KCNMA1: variants seen among roughly 807,000 people sequenced by gnomAD.
KCNMA1 encodes the protein potassium calcium-activated channel subfamily M alpha 1, also known as Calcium-activated potassium channel subunit alpha-1.
Under a neutral mutation model 140.0 loss-of-function variants are expected in KCNMA1, and 29 were observed. The ratio of observed to expected loss-of-function variants is 0.21; its 90% confidence interval spans 0.15 to 0.28. KCNMA1 has a LOEUF of 0.28. Among genes scored for constraint, KCNMA1 ranks in the 10% least tolerant of loss-of-function variants. The probability of loss-of-function intolerance (pLI) is 1.00; values close to 1 mark genes in which losing one functional copy is unlikely to be tolerated. For missense variants in KCNMA1, 880 were observed against 1,602.2 expected (o/e 0.55, Z 7.70); for synonymous variants, 612 against 611.9 (o/e 1.00, Z 0.00).
chr10:77,435,265 G>A (rs914221736), intron 1 of KCNMA1, among the ~76,000 whole-genome samples: 2 of 152,024 alleles, frequency 1.3e-5, no homozygotes, highest in Admixed American at 6.6e-5. Context: ...AGGATACTCC[G>A]TAACATTACC....
chr10:77,615,099 G>T (rs536681227), intron 1 of KCNMA1, among the ~76,000 whole-genome samples: 2 of 152,282 alleles, frequency 1.3e-5, no homozygotes, highest in South Asian at 2.1e-4. Flanking sequence ...TAACACAGGC[G>T]CCTGGGCTGC....
chr10:77,549,669 A>G (rs376104715), intron 1 of KCNMA1, among the ~76,000 whole-genome samples: 1 of 152,174 alleles, frequency 6.6e-6, no homozygotes, highest in East Asian at 1.9e-4. Flanking sequence ...GCCTCCATTC[A>G]TTTCCTTTTT....
intron 17 of KCNMA1, among the ~76,000 whole-genome samples, chr10:77,018,595 C>A (rs898168447): frequency 6.6e-6 from 1 of 152,136 alleles, no homozygotes; most frequent in Non-Finnish European, 1.5e-5. Flanking sequence ...TTAATCCCAA[C>A]CTTTTGAAAT....
At chr10:77,334,266 TG>T (rs1566046706) in intron 2 of KCNMA1, among the ~76,000 whole-genome samples, 1 of 152,144 alleles carries the variant, frequency 6.6e-6, no homozygotes, top group Non-Finnish European at 1.5e-5. Flanking sequence ...GAGCATTTTG[TG>T]GGGGAGTTCA....
chr10:76,890,381 G>A lies in KCNMA1; in HGVS notation c.3343-812C>T, dbSNP rs575559668. 2.0e-5 allele frequency among the ~76,000 whole-genome samples: 3 copies of A among 152,170 alleles called. No individual in the cohort carries two copies. In the South Asian group the frequency reaches 6.2e-4, roughly 32 times the overall value. On this transcript the variant is annotated intron_variant, in intron 26 of 27. Coordinates refer to ENST00000286628, the MANE Select transcript of KCNMA1 (RefSeq NM_001161352.2). Reference sequence around the variant, plus strand: ...GACTGTCTTTGTCCTTCCAATCATTGGAATTCTCATATTGGTCTCATACCA... The same window carrying A: ...GACTGTCTTTGTCCTTCCAATCATTAGAATTCTCATATTGGTCTCATACCA...
chr10:77,187,128 A>T lies in KCNMA1; in HGVS notation c.603-2212T>A, dbSNP rs1455510140. ...TATTAATCCCGTGGCCTCTGTGGTT[A>T]ATTTGGTGGTAACCTAGAAATACAG... On this transcript the variant is annotated intron_variant, in intron 3 of 27. Coordinates refer to ENST00000286628, the MANE Select transcript of KCNMA1 (RefSeq NM_001161352.2). 2.6e-5 allele frequency among the ~76,000 whole-genome samples: 4 copies of T among 152,154 alleles called. No individual in the cohort carries two copies. The East Asian group carries it at 7.8e-4, about 29-fold the overall frequency.
chr10:76,912,944 T>C (rs561363854), intron 24 of KCNMA1: 2 of 152,204 alleles, frequency 1.3e-5, no homozygotes, highest in African/African-American at 2.4e-5. Context: ...CCTCCTATGG[T>C]TGGAAACAGA....
At chr10:77,282,419 T>C (rs2068973000) in intron 2 of KCNMA1, among the ~76,000 whole-genome samples, 1 of 152,222 alleles carries the variant, frequency 6.6e-6, no homozygotes, top group Non-Finnish European at 1.5e-5. Flanking sequence ...TCTTTCATCA[T>C]GGATGAAGGA....
chr10:77,397,994 T>A (rs568109607), intron 2 of KCNMA1, among the ~76,000 whole-genome samples: 28 of 151,866 alleles, frequency 1.8e-4, no homozygotes, highest in African/African-American at 6.0e-4. Flanking sequence ...TGTTTGTATA[T>A]ATATAAATGT....
chr10:77,598,740 T>G (rs922904616), intron 1 of KCNMA1, among the ~76,000 whole-genome samples: 2 of 152,130 alleles, frequency 1.3e-5, no homozygotes, highest in South Asian at 2.1e-4. Flanking sequence ...CTCTCCTCCC[T>G]CAGAAGAACC....
intron 2 of KCNMA1, among the ~76,000 whole-genome samples, chr10:77,380,832 T>C (rs1374401747): frequency 6.6e-6 from 1 of 152,198 alleles, no homozygotes; most frequent in Non-Finnish European, 1.5e-5. Flanking sequence ...GCCCCAAGCA[T>C]CCAGCGTGTC....
intron 1 of KCNMA1, among the ~76,000 whole-genome samples, chr10:77,548,458 G>A (rs914093506): frequency 2.0e-5 from 3 of 152,230 alleles, no homozygotes; most frequent in African/African-American, 7.2e-5. Flanking sequence ...TGTAGCAGAT[G>A]CCACTAGTCT....
At chr10:77,183,338 A>G (rs2098817938) in intron 5 of KCNMA1, 83 bp downstream of exon 5, 2 of 884,776 alleles carry the variant, frequency 2.3e-6, no homozygotes, top group Non-Finnish European at 3.8e-6. Flanking sequence ...TTGTAGGGAG[A>G]CAGCCCCCTC....
At chr10:77,212,952 T>C (rs1306488322) in intron 3 of KCNMA1, among the ~76,000 whole-genome samples, 1 of 152,182 alleles carries the variant, frequency 6.6e-6, no homozygotes, top group African/African-American at 2.4e-5. Flanking sequence ...TAAGCCTTCT[T>C]CCCTTCCTTA....
intron 20 of KCNMA1, among the ~76,000 whole-genome samples, chr10:76,963,457 T>C (rs1449106435): frequency 6.6e-6 from 1 of 152,212 alleles, no homozygotes; most frequent in African/African-American, 2.4e-5. Flanking sequence ...AGAATCTATA[T>C]GGCTTCAGTA....
downstream of KCNMA1, among the ~76,000 whole-genome samples, chr10:76,881,631 G>T (rs1274293017): frequency 3.3e-5 from 5 of 152,176 alleles, no homozygotes; most frequent in African/African-American, 1.2e-4. Context: ...TTAGCTTTTA[G>T]AGTAAGTTTA....
chr10:76,907,348 T>C (rs1021122225), intron 25 of KCNMA1, among the ~76,000 whole-genome samples: 1 of 152,216 alleles, frequency 6.6e-6, no homozygotes, highest in Admixed American at 6.5e-5. Context: ...ATATAGATGC[T>C]TGTGCAACTC....
At chr10:77,636,592 A>T in intron 1 of KCNMA1, 1 of 1,536,202 alleles carries the variant, frequency 6.5e-7, no homozygotes, top group Non-Finnish European at 8.7e-7. Flanking sequence ...GTGGGAGGTT[A>T]CATCAGATAT....
chr10:77,307,455 C>T (rs540876938), intron 2 of KCNMA1, among the ~76,000 whole-genome samples: 13 of 152,318 alleles, frequency 8.5e-5, no homozygotes, highest in South Asian at 6.2e-4. Flanking sequence ...CAATGTTCAA[C>T]GCTTATCACA....
Sources: gnomAD v4.1 joint callset for allele counts (sites outside exome capture counted in the v4.1 genomes callset) on GRCh38, gnomAD v4.1.1 for gene constraint, MANE v1.5 for transcripts, NCBI Gene and HGNC (gene_info 2026-07-23, HGNC 2026-07-21) for gene names.